ADGRV1: variants seen among roughly 807,000 people sequenced by gnomAD.
ADGRV1 encodes adhesion G protein-coupled receptor V1.
A neutral mutation model predicts 596.2 loss-of-function variants in ADGRV1; 359 were observed. That is an observed-to-expected ratio of 0.60 (90% CI 0.55 to 0.66). ADGRV1 has a LOEUF of 0.66. Ranked by LOEUF, ADGRV1 falls within the 30% of genes least tolerant of loss-of-function variation. The probability of loss-of-function intolerance (pLI) is 0.00; values close to 1 mark genes in which losing one functional copy is unlikely to be tolerated. For missense variants in ADGRV1, 7,274 were observed against 7,575.6 expected, an observed-to-expected ratio of 0.96 and a Z score of 1.48; for synonymous variants, 2,681 against 2,679.2, an observed-to-expected ratio of 1.00 and a Z score of -0.02.
intron 21 of ADGRV1, among the ~76,000 whole-genome samples, chr5:90,661,544 T>C (rs1561477987): frequency 6.6e-6 from 1 of 152,220 alleles, no homozygotes. Context: ...TTTAATTTTC[T>C]ATTGCAATAG....
At chr5:90,969,439 G>T (rs1437355378) in intron 84 of ADGRV1, among the ~76,000 whole-genome samples, 1 of 152,166 alleles carries the variant, frequency 6.6e-6, no homozygotes, top group East Asian at 1.9e-4. Context: ...CTAACTAGCT[G>T]CAAAGCCTTA....
At chr5:91,103,209 T>C (rs937335817) in intron 87 of ADGRV1, among the ~76,000 whole-genome samples, 2 of 152,108 alleles carry the variant, frequency 1.3e-5, no homozygotes, top group African/African-American at 4.8e-5. Context: ...TACATGATGG[T>C]GCCTAATCAA....
rs2150741598 is a variant in ADGRV1, at chr5:90,921,798, T to G, written c.17857-43617T>G. ...CAAACCCAATAAAGTTGTGTCTTGT[T>G]TTTTTTTTTTTTTTTTTTCTACAAG... On this transcript the variant is annotated intron_variant, in intron 83 of 89. Transcript: ENST00000405460. Among the ~76,000 whole-genome samples the G allele has an allele frequency of 2.1e-5, 3 of 142,972 alleles. No homozygotes were observed. In the South Asian group the frequency reaches 6.4e-4, roughly 31 times the overall value. The allele number at this position is 142,972 out of a possible 152,430, so 93.8% of individuals were successfully genotyped here. A position where few individuals can be genotyped will look rare whatever the true frequency, so the allele number is the denominator to read the frequency against.
intron 83 of ADGRV1, among the ~76,000 whole-genome samples, chr5:90,912,156 G>C (rs1356556938): frequency 6.6e-6 from 1 of 152,078 alleles, no homozygotes; most frequent in Non-Finnish European, 1.5e-5. Context: ...GTGGAAAAGA[G>C]AACCTTGTTA....
chr5:91,058,785 T>G (rs931674695), intron 85 of ADGRV1, among the ~76,000 whole-genome samples: 2 of 152,168 alleles, frequency 1.3e-5, no homozygotes, highest in African/African-American at 2.4e-5. Flanking sequence ...AAAGTTTTCC[T>G]CCTTCCCCTC....
chr5:90,778,803 A>G, intron 63 of ADGRV1, 62 bp from the exon 64 acceptor site: 1 of 1,340,828 alleles, frequency 7.5e-7, no homozygotes, highest in Non-Finnish European at 1.0e-6. Flanking sequence ...ACGTTTAGTT[A>G]CAGACAGTAT....
At chr5:90,924,451 G>C (rs1346792531) in intron 83 of ADGRV1, among the ~76,000 whole-genome samples, 1 of 151,236 alleles carries the variant, frequency 6.6e-6, no homozygotes, top group Non-Finnish European at 1.5e-5. Flanking sequence ...GTCTGTTCAT[G>C]TCCTTCGCCC....
intron 50 of ADGRV1, among the ~76,000 whole-genome samples, chr5:90,741,170 A>T (rs1048792723): frequency 3.9e-5 from 6 of 151,990 alleles, no homozygotes; most frequent in Admixed American, 3.9e-4. Context: ...TGGAATGCCC[A>T]TACCACATTC....
At chr5:90,882,588 A>G (rs1219872192) in intron 83 of ADGRV1, among the ~76,000 whole-genome samples, 1 of 152,166 alleles carries the variant, frequency 6.6e-6, no homozygotes, top group African/African-American at 2.4e-5. Context: ...ATTGTTCTGG[A>G]TGGGGAAACT....
intron 17 of ADGRV1, among the ~76,000 whole-genome samples, chr5:90,648,582 C>T (rs1338255775): frequency 1.3e-5 from 2 of 152,136 alleles, no homozygotes; most frequent in Admixed American, 6.5e-5. Context: ...CCACCTTGTG[C>T]CTTTTGGACT....
chr5:90,618,497 G>A (rs1763650245), intron 3 of ADGRV1, among the ~76,000 whole-genome samples: 1 of 152,012 alleles, frequency 6.6e-6, no homozygotes. Flanking sequence ...TTGAATAATT[G>A]TGTCACTACC....
intron 79 of ADGRV1, among the ~76,000 whole-genome samples, chr5:90,850,088 C>T (rs1257423225): frequency 6.6e-6 from 1 of 152,170 alleles, no homozygotes; most frequent in Non-Finnish European, 1.5e-5. Context: ...GACTCAACCC[C>T]AGACTTACTT....
At chr5:90,696,177 T>G (rs1747170444) in intron 33 of ADGRV1, among the ~76,000 whole-genome samples, 1 of 152,048 alleles carries the variant, frequency 6.6e-6, no homozygotes, top group Non-Finnish European at 1.5e-5. Flanking sequence ...CTCCAGAAAG[T>G]GGGGAGAAAA....
In ADGRV1 at chr5:90,672,676, C is replaced by T; in HGVS notation, c.4883C>T (p.Ala1628Val). The change falls in exon 22 of 90, where the codon GCT becomes GTT. Residue 1628 changes from alanine (A) to valine (V), a missense_variant. Coordinates refer to ENST00000405460, the MANE Select transcript of ADGRV1 (RefSeq NM_032119.4). ...ATTAATTACCTTGTTGATGACTTTGCTAATGCCAGTGGAACTATTACATTC... is the reference window on the plus strand; with the variant it reads ...ATTAATTACCTTGTTGATGACTTTGTTAATGCCAGTGGAACTATTACATTC... ...DGINYLVDDFANASGTITFLP... is the reference protein window; with the variant it reads ...DGINYLVDDFVNASGTITFLP... 1 of 1,613,408 alleles carries T rather than the reference C, an allele frequency of 6.2e-7. No homozygotes were observed.
At chr5:90,687,764 CAGAG>C (rs949908405) in intron 29 of ADGRV1, among the ~76,000 whole-genome samples, 3 of 152,056 alleles carry the variant, frequency 2.0e-5, no homozygotes, top group African/African-American at 4.8e-5. Context: ...AACAGACAAA[CAGAG>C]AGCCAAATCA....
At chr5:90,966,532 A>C (rs1267361374) in intron 84 of ADGRV1, among the ~76,000 whole-genome samples, 17 of 106,116 alleles carry the variant, frequency 1.6e-4, no homozygotes, top group Non-Finnish European at 2.8e-4. Flanking sequence ...AACTCTGCCA[A>C]AAAAAAAAAA....
At chr5:90,630,422 A>G (rs1580517364) in intron 9 of ADGRV1, 2 of 152,304 alleles carry the variant, frequency 1.3e-5, no homozygotes, top group East Asian at 1.9e-4. Flanking sequence ...CATTTTATAC[A>G]TTTCATTTCT....
intron 83 of ADGRV1, among the ~76,000 whole-genome samples, chr5:90,927,837 A>T (rs572530319): frequency 1.3e-5 from 2 of 151,970 alleles, no homozygotes; most frequent in South Asian, 4.2e-4. Context: ...GTGGTGATAA[A>T]ATCTCTCAGC....
chr5:90,681,382 T>C lies in ADGRV1; in HGVS notation c.5592T>C (p.Phe1864=). ...IAASDHAHGV[F]EFSPESLFVS... ...CCTCTGACCACGCTCATGGCGTATT[T>C]GAATTTAGCCCTGAGTCACTCTTTG... Residue 1864 remains phenylalanine, a synonymous_variant, in exon 27 of 90, where the codon TTT becomes TTC. Transcript: ENST00000405460. 1 of 1,613,936 alleles carries C rather than the reference T, an allele frequency of 6.2e-7. No individual in the cohort carries two copies. The highest frequency in any genetic ancestry group is 8.5e-7 in the Non-Finnish European group (1 of 1,179,828).
Sources: gnomAD v4.1 joint callset for allele counts (sites outside exome capture counted in the v4.1 genomes callset) on GRCh38, gnomAD v4.1.1 for gene constraint, MANE v1.5 for transcripts, NCBI Gene and HGNC (gene_info 2026-07-23, HGNC 2026-07-21) for gene names.